Variants in SIRT2 observed in about 807,000 individuals in gnomAD.
SIRT2 encodes sirtuin 2.
SIRT2 carries 40 observed loss-of-function variants against 57.4 expected under a neutral mutation model. The ratio of observed to expected loss-of-function variants is 0.70; its 90% CI spans 0.54 to 0.91. The LOEUF (loss-of-function observed/expected upper bound fraction) is 0.91, where lower values mean the gene tolerates loss of function less well. Ranked by LOEUF, SIRT2 falls within the 40% of genes least tolerant of loss-of-function variation. The pLI, the probability that SIRT2 is intolerant of heterozygous loss-of-function variation, is 0.00. For missense variants in SIRT2, 439 were observed against 510.4 expected (o/e 0.86, Z 1.35); for synonymous variants, 161 against 195.7 (o/e 0.82, Z 1.48).
chr19:38,878,758 A>C lies in SIRT2; in HGVS notation c.*397T>G. On this transcript the variant is annotated 3_prime_UTR_variant, in exon 16 of 16. Coordinates refer to ENST00000249396, the MANE Select transcript of SIRT2 (RefSeq NM_012237.4). The stretch of plus-strand genomic sequence containing the variant: ...CAGAGGCCCACACCCACACTGGGGT[A>C]GGTTAGGTATGGTTTACTTAGCCAC... The C allele has an allele frequency of 1.8e-5, 3 of 164,492 alleles. No homozygotes were observed. The highest frequency in any genetic ancestry group is 2.6e-5 in the Non-Finnish European group (2 of 76,396). 10.2% of individuals were successfully genotyped at this position (164,492 alleles called of 1,614,324 possible).
At chr19:38,891,825 A>C (rs1252263476) in intron 4 of SIRT2, 1 of 467,524 alleles carries the variant, frequency 2.1e-6, no homozygotes, top group African/African-American at 2.0e-5. Flanking sequence ...GACACAAGGA[A>C]CAAATGCTTT....
intron 3 of SIRT2, 81 bp downstream of exon 3, chr19:38,893,738 G>A: frequency 1.3e-6 from 2 of 1,521,506 alleles, no homozygotes; most frequent in South Asian, 1.2e-5. Flanking sequence ...ATGGAGTTGA[G>A]GAGGTATCAC....
In SIRT2 at chr19:38,893,395, A is replaced by T; in HGVS notation, c.226+19T>A. ...GCCAGGAGCCAGGCAAAGTGGCCCAATCCTGACAGGGGACTCACAGCGTTC... is the reference window on the plus strand; with the variant it reads ...GCCAGGAGCCAGGCAAAGTGGCCCATTCCTGACAGGGGACTCACAGCGTTC... On this transcript the variant is annotated intron_variant, in intron 4 of 15. Transcript: ENST00000249396. The T allele has an allele frequency of 6.4e-7, 1 of 1,554,972 alleles. No individual in the cohort carries two copies. The highest frequency in any genetic ancestry group is 8.9e-7 in the Non-Finnish European group (1 of 1,126,368).
Position 38,888,984 on chromosome 19 carries a change from G to T in SIRT2, c.501+103C>A, listed in dbSNP as rs1600117842. ...CAAGCCCTGGCCCCGCATTGCTGGA[G>T]TCCCCGCCTGAGCTCTTGGGCACGC... On this transcript the variant is annotated intron_variant, in intron 8 of 15. Transcript: ENST00000249396. 25 of 1,044,234 alleles carry T rather than the reference G, an allele frequency of 2.4e-5. No homozygotes were observed. The East Asian group carries it at 6.0e-4, about 25-fold the overall frequency. The allele number at this position is 1,044,234 out of a possible 1,614,324, so 64.7% of individuals were successfully genotyped here.
intron 3 of SIRT2, 33 bp downstream of exon 3, chr19:38,893,786 C>A (rs747237888): frequency 1.2e-6 from 2 of 1,611,196 alleles, no homozygotes. Flanking sequence ...CCCCCCAGAA[C>A]CCTGCTCCCT....
In SIRT2 at chr19:38,893,796, T is replaced by C. The variant is rs776897683; in HGVS notation, c.112+23A>G. Reference sequence around the variant, plus strand: ...CCCCGCCCCCCAGAACCCTGCTCCCTGTCCCTCCAGGAAGATACTCACTGT... The same window carrying C: ...CCCCGCCCCCCAGAACCCTGCTCCCCGTCCCTCCAGGAAGATACTCACTGT... On this transcript the variant is annotated intron_variant, in intron 3 of 15. Coordinates refer to ENST00000249396, the MANE Select transcript of SIRT2 (RefSeq NM_012237.4). The C allele has an allele frequency of 6.2e-6, 10 of 1,602,342 alleles. No individual in the cohort carries two copies. In the Admixed American group the frequency reaches 1.2e-4, roughly 19 times the overall value.
At chr19:38,888,479 A>AT (rs1411091517) in intron 8 of SIRT2, among the ~76,000 whole-genome samples, 2 of 152,064 alleles carry the variant, frequency 1.3e-5, no homozygotes, top group South Asian at 2.1e-4. Context: ...GCCCATCAAG[A>AT]TTTTTTTACT....
At chr19:38,895,867 T>C (rs1267536494) in intron 2 of SIRT2, among the ~76,000 whole-genome samples, 1 of 152,054 alleles carries the variant, frequency 6.6e-6, no homozygotes, top group African/African-American at 2.4e-5. Flanking sequence ...GGTCAGGAGA[T>C]CGAGACCATC....
Position 38,880,247 on chromosome 19 carries a change from G to A in SIRT2, c.876+438C>T, listed in dbSNP as rs1427415474. 5.2e-6 allele frequency: 1 copy of A among 193,282 alleles called. No individual in the cohort carries two copies. Among genetic ancestry groups the A allele is most frequent in the Non-Finnish European group, 1.1e-5 (1 of 94,236 alleles). The allele number at this position is 193,282 out of a possible 1,614,324, so 12.0% of individuals were successfully genotyped here. Reference sequence around the variant, plus strand: ...TGAGTTCACGCAGGCTAAGACTTGGGACAGTGTCTGCCCACAGCGTGCGCT... The same window carrying A: ...TGAGTTCACGCAGGCTAAGACTTGGAACAGTGTCTGCCCACAGCGTGCGCT... On this transcript the variant is annotated intron_variant, in intron 13 of 15. Coordinates refer to ENST00000249396, the MANE Select transcript of SIRT2 (RefSeq NM_012237.4). This position sits in a 1 kb window ranked among gnomAD's most constrained non-coding sequence, Gnocchi z 4.1.
At chr19:38,895,193 C>G (rs1031072362) in intron 2 of SIRT2, among the ~76,000 whole-genome samples, 1 of 152,154 alleles carries the variant, frequency 6.6e-6, no homozygotes, top group Non-Finnish European at 1.5e-5. Flanking sequence ...GTCCTCTCCT[C>G]CGGGGGTCCT....
At position 38,880,424 on chromosome 19, in the gene SIRT2, C is replaced by G. The variant is rs1973110811; in HGVS notation, c.876+261G>C. 1 of 435,222 alleles carries G rather than the reference C, an allele frequency of 2.3e-6. No homozygotes were observed. The highest frequency in any genetic ancestry group is 3.9e-5 in the Admixed American group (1 of 25,372). The allele number at this position is 435,222 out of a possible 1,614,324, so 27.0% of individuals were successfully genotyped here. On this transcript the variant is annotated intron_variant, in intron 13 of 15. Transcript: ENST00000249396. This position sits in a 1 kb window ranked among gnomAD's most constrained non-coding sequence, Gnocchi z 4.1. Reference sequence around the variant, plus strand: ...CGCACTGTCTCTCCTGACCCCTGCACCCCCTCCCACCTCCTCAGTCCCTGG... The same window carrying G: ...CGCACTGTCTCTCCTGACCCCTGCAGCCCCTCCCACCTCCTCAGTCCCTGG...
Position 38,880,874 on chromosome 19 carries a change from G to A in SIRT2, c.771C>T (p.Leu257=). Reference sequence around the variant, plus strand: ...CCTGCAAGGAGGTACCCATGACCAGGAGGAGGTCCACCTTCAGGAAGTCCT... The same window carrying A: ...CCTGCAAGGAGGTACCCATGACCAGAAGGAGGTCCACCTTCAGGAAGTCCT... The part of the protein sequence containing the change: ...MQSDFLKVDL[L]LVMGTSLQVQ... The change falls in exon 12 of 16, where the codon CTC becomes CTT. Residue 257 remains leucine (L), a synonymous_variant. Transcript: ENST00000249396. This position sits in a 1 kb window ranked among gnomAD's most constrained non-coding sequence, Gnocchi z 4.1. 6.2e-7 allele frequency: 1 copy of A among 1,613,780 alleles called. No homozygotes were observed. Among genetic ancestry groups the A allele is most frequent in the Admixed American group, 1.7e-5 (1 of 60,012 alleles).
chr19:38,892,829 T>C (rs887251689), intron 4 of SIRT2, among the ~76,000 whole-genome samples: 4 of 152,206 alleles, frequency 2.6e-5, no homozygotes, highest in African/African-American at 9.6e-5. Flanking sequence ...CCTCCCACGA[T>C]GGCCTCCCAA....
chr19:38,882,808 C>T (rs1286454717), intron 9 of SIRT2, among the ~76,000 whole-genome samples: 3 of 152,078 alleles, frequency 2.0e-5, no homozygotes, highest in Admixed American at 6.6e-5. Flanking sequence ...AGCATGACAC[C>T]GTGGGTGCTG....
chr19:38,881,158 G>A lies in SIRT2; in HGVS notation c.692-3C>T. The A allele has an allele frequency of 6.2e-7, 1 of 1,612,566 alleles. No homozygotes were observed. Among genetic ancestry groups the A allele is most frequent in the Non-Finnish European group, 8.5e-7 (1 of 1,179,432 alleles). On this transcript the variant is annotated splice_region_variant and splice_polypyrimidine_tract_variant and intron_variant, in intron 10 of 15. Coordinates refer to ENST00000249396, the MANE Select transcript of SIRT2 (RefSeq NM_012237.4). The stretch of plus-strand genomic sequence containing the variant: ...GCTCTCACCAAAAAAGACGATATCT[G>A]AGGTGGAGACAGATGGACGGACAGA...
rs199718651 is a variant in SIRT2, at chr19:38,899,589, G to A, written c.-68C>T. 12 of 1,601,210 alleles carry A rather than the reference G, an allele frequency of 7.5e-6. No individual in the cohort carries two copies. The highest frequency in any genetic ancestry group is 1.1e-5 in the South Asian group (1 of 90,764). On this transcript the variant is annotated 5_prime_UTR_variant, in exon 1 of 16. The change creates a new upstream start codon in the 5' untranslated region. Coordinates refer to ENST00000249396, the MANE Select transcript of SIRT2 (RefSeq NM_012237.4). ...GTCCCGTCACCAACCACTGTGTCCC[G>A]TCACCGACTGCTCTGTCCTGTCACC...
chr19:38,894,955 C>T (rs751074131), intron 2 of SIRT2: 1 of 455,870 alleles, frequency 2.2e-6, no homozygotes. Flanking sequence ...CCTCTCACTC[C>T]TACTATGTCC....
chr19:38,883,712 G>A lies in SIRT2; in HGVS notation c.546C>T (p.Asp182=), dbSNP rs1394523935. ...AGAAGGTGCCGTGCGCCTCCACCAA[G>A]TCCTCCTGTTCCAGCCCGGCTATTC... ...LERIAGLEQE[D]LVEAHGTFYT... is the part of the protein sequence containing the mutation. The change falls in exon 9 of 16, where the codon GAC becomes GAT. Residue 182 remains aspartate, a synonymous_variant. Coordinates refer to ENST00000249396, the MANE Select transcript of SIRT2 (RefSeq NM_012237.4). The A allele has an allele frequency of 3.1e-6, 5 of 1,614,088 alleles. No homozygotes were observed. The East Asian group carries it at 8.9e-5, about 29-fold the overall frequency.
intron 6 of SIRT2, 48 bp from the exon 7 acceptor site, chr19:38,889,793 G>C (rs1210084060): frequency 1.2e-6 from 2 of 1,613,864 alleles, no homozygotes; most frequent in Non-Finnish European, 1.7e-6. Context: ...TAGCGTGAGG[G>C]TTGGAGCCAG....
Sources: gnomAD v4.1 joint callset for allele counts (sites outside exome capture counted in the v4.1 genomes callset) on GRCh38, gnomAD v4.1.1 for gene constraint, Gnocchi (gnomAD v3.1) non-coding constraint, MANE v1.5 for transcripts, NCBI Gene and HGNC (gene_info 2026-07-23, HGNC 2026-07-21) for gene names.